The following KRABD3 variants were observed in gnomAD, a reference collection of about 807,000 sequenced individuals.
The protein encoded by KRABD3 is KRAB domain-containing protein 3.
At chr7:149,724,514 T>G in the KRABD3 span, 1 of 543,748 alleles carries the variant, frequency 1.8e-6, no homozygotes, top group African/African-American at 2.0e-5. Flanking sequence ...GATTGACAAG[T>G]GACAGCAGTC....
chr7:149,722,630 G>C, the KRABD3 span: 207,539 of 1,504,664 alleles, frequency 0.14, 19,360 homozygotes, highest in African/African-American at 0.47. Flanking sequence ...ATGCTGCTCC[G>C]CCGCCTGGGC....
chr7:149,732,942 C>T, the KRABD3 span, among the ~76,000 whole-genome samples: 1 of 152,126 alleles, frequency 6.6e-6, no homozygotes, highest in African/African-American at 2.4e-5. The surrounding 1 kb of genome is among the most constrained non-coding windows in gnomAD (Gnocchi z 4.0). Context: ...GGGAAGACCG[C>T]AGTTTAGGAA....
the KRABD3 span, among the ~76,000 whole-genome samples, chr7:149,732,266 T>G: frequency 6.6e-6 from 1 of 152,192 alleles, no homozygotes; most frequent in Non-Finnish European, 1.5e-5. The surrounding 1 kb of genome is among the most constrained non-coding windows in gnomAD (Gnocchi z 4.0). Flanking sequence ...CACTTTGCTG[T>G]GAGCTCTGAG....
At chr7:149,722,946 G>GC in the KRABD3 span, 4 of 1,593,614 alleles carry the variant, frequency 2.5e-6, no homozygotes, top group South Asian at 4.5e-5. Context: ...CTGGGAGCCC[G>GC]CCCTGGGCAG....
At chr7:149,730,439 C>T in the KRABD3 span, 3 of 1,595,660 alleles carry the variant, frequency 1.9e-6, no homozygotes, top group African/African-American at 1.3e-5. Flanking sequence ...GAGGGACCGC[C>T]TTCCCAGCTG....
chr7:149,715,592 G>A, the KRABD3 span, among the ~76,000 whole-genome samples: 1 of 152,148 alleles, frequency 6.6e-6, no homozygotes. Context: ...ATATCAGTGA[G>A]GTATCAGGTA....
At chr7:149,730,096 A>G in the KRABD3 span, 2 of 1,448,440 alleles carry the variant, frequency 1.4e-6, no homozygotes, top group Non-Finnish European at 1.8e-6. Context: ...TAAGGCAGAG[A>G]CCTGGCTCTC....
chr7:149,724,743 C>T, the KRABD3 span: 23 of 1,557,328 alleles, frequency 1.5e-5, no homozygotes, highest in Admixed American at 1.3e-4. Context: ...GGGTCCAGAG[C>T]CCCCCAGGAC....
At chr7:149,725,516 G>A in the KRABD3 span, 17 of 1,576,430 alleles carry the variant, frequency 1.1e-5, no homozygotes, top group South Asian at 3.4e-5. Context: ...GCGCGGGGTG[G>A]CATGTCCCTG....
the KRABD3 span, chr7:149,733,442 A>T: frequency 6.3e-7 from 1 of 1,589,460 alleles, no homozygotes; most frequent in Non-Finnish European, 8.6e-7. Context: ...GGAAGTGGCC[A>T]CCATGAGGAC....
At chr7:149,732,391 C>G in the KRABD3 span, among the ~76,000 whole-genome samples, 2 of 152,172 alleles carry the variant, frequency 1.3e-5, no homozygotes, top group Non-Finnish European at 2.9e-5. This position sits in a 1 kb window ranked among gnomAD's most constrained non-coding sequence, Gnocchi z 4.0. Flanking sequence ...TTTAGCTACT[C>G]CAGTCTTCAC....
the KRABD3 span, chr7:149,725,934 A>G: frequency 6.2e-7 from 1 of 1,600,492 alleles, no homozygotes; most frequent in Non-Finnish European, 8.5e-7. Context: ...GAGCTGTGTG[A>G]GAGATGGCCC....
chr7:149,714,969 C>G, the KRABD3 span: 11 of 1,141,916 alleles, frequency 9.6e-6, no homozygotes, highest in Non-Finnish European at 1.2e-5. Context: ...CTGCGCGGAC[C>G]TGGGCCGCCG....
the KRABD3 span, chr7:149,719,640 T>C: frequency 6.2e-7 from 1 of 1,605,044 alleles, no homozygotes; most frequent in Non-Finnish European, 8.5e-7. The surrounding 1 kb of genome is among the most constrained non-coding windows in gnomAD (Gnocchi z 5.6). Context: ...CGAGACGTGA[T>C]GCGGGAGAAC....
chr7:149,722,822 A>G, the KRABD3 span: 17 of 1,610,908 alleles, frequency 1.1e-5, no homozygotes, highest in Admixed American at 1.5e-4. Context: ...GGCCTCATCA[A>G]CTGTCTGAAG....
the KRABD3 span, chr7:149,728,736 C>T: frequency 6.4e-7 from 1 of 1,553,316 alleles, no homozygotes; most frequent in Non-Finnish European, 8.8e-7. Flanking sequence ...GCCCTAGGCG[C>T]TGCACCTGTG....
At chr7:149,727,949 C>G in the KRABD3 span, among the ~76,000 whole-genome samples, 1 of 152,224 alleles carries the variant, frequency 6.6e-6, no homozygotes, top group East Asian at 1.9e-4. Context: ...CAAATGCTGT[C>G]GGGAAAGAGA....
At chr7:149,717,536 G>A in the KRABD3 span, among the ~76,000 whole-genome samples, 4 of 152,224 alleles carry the variant, frequency 2.6e-5, no homozygotes, top group Non-Finnish European at 5.9e-5. Flanking sequence ...TTCCTGAGAG[G>A]GAGTGACCAT....
At chr7:149,733,706 G>C in the KRABD3 span, 1 of 1,581,128 alleles carries the variant, frequency 6.3e-7, no homozygotes, top group East Asian at 2.3e-5. Flanking sequence ...GCCTCCAGAC[G>C]CTCCCCCGGC....
Sources: gnomAD v4.1 joint callset for allele counts (sites outside exome capture counted in the v4.1 genomes callset) on GRCh38, gnomAD v4.1.1 for gene constraint, Gnocchi (gnomAD v3.1) non-coding constraint, MANE v1.5 for transcripts, NCBI Gene and HGNC (gene_info 2026-07-23, HGNC 2026-07-21) for gene names.